The following SNTG1 variants were observed in gnomAD, a reference collection of about 807,000 sequenced individuals.
SNTG1 encodes the protein syntrophin gamma 1.
SNTG1 carries 39 observed loss-of-function variants against 74.7 expected under a neutral mutation model. The observed-to-expected ratio is 0.52, with a 90% CI of 0.40 to 0.68. SNTG1 has a LOEUF of 0.68. SNTG1 is among the 30% of genes least tolerant of loss of function. The pLI is 0.00. For missense variants in SNTG1, 685 were observed against 609.5 expected, an observed-to-expected ratio of 1.12 and a Z score of -1.30; for synonymous variants, 254 against 217.1, an observed-to-expected ratio of 1.17 and a Z score of -1.49.
At chr8:50,787,126 G>A (rs548876481) in intron 18 of SNTG1, among the ~76,000 whole-genome samples, 12 of 150,818 alleles carry the variant, frequency 8.0e-5, no homozygotes, top group African/African-American at 2.7e-4. Flanking sequence ...AGGGTTTTCA[G>A]AGAAAAAAAA....
At chr8:50,464,267 T>C (rs1233297016) in intron 8 of SNTG1, among the ~76,000 whole-genome samples, 2 of 152,206 alleles carry the variant, frequency 1.3e-5, no homozygotes, top group East Asian at 3.9e-4. Flanking sequence ...ACTTTTCTTT[T>C]AAATTTACAA....
chr8:50,619,995 C>T (rs1026373030), intron 13 of SNTG1, among the ~76,000 whole-genome samples: 7 of 151,796 alleles, frequency 4.6e-5, no homozygotes, highest in Non-Finnish European at 8.8e-5. Context: ...GCTTAAACAG[C>T]ACAGATTTCT....
intron 2 of SNTG1, among the ~76,000 whole-genome samples, chr8:50,220,463 G>A (rs1001401825): frequency 6.6e-6 from 1 of 152,108 alleles, no homozygotes; most frequent in African/African-American, 2.4e-5. Context: ...AAACAGAAAG[G>A]AATACATGAG....
chr8:50,716,076 C>A (rs944002040), intron 17 of SNTG1, among the ~76,000 whole-genome samples: 2 of 152,054 alleles, frequency 1.3e-5, no homozygotes, highest in African/African-American at 4.8e-5. Flanking sequence ...GTGTATGACC[C>A]TCATGTACAC....
At chr8:50,093,513 G>A (rs1365007387) in intron 1 of SNTG1, among the ~76,000 whole-genome samples, 1 of 152,066 alleles carries the variant, frequency 6.6e-6, no homozygotes. Context: ...GAAGCCAAGT[G>A]AAATAGCAAC....
intron 2 of SNTG1, among the ~76,000 whole-genome samples, chr8:50,333,756 C>T (rs1467304196): frequency 6.6e-6 from 1 of 152,092 alleles, no homozygotes; most frequent in Non-Finnish European, 1.5e-5. Flanking sequence ...TCTTAACGTT[C>T]CCTTGATTGA....
chr8:50,670,982 C>A (rs2131342909), intron 15 of SNTG1, among the ~76,000 whole-genome samples: 1 of 150,476 alleles, frequency 6.6e-6, no homozygotes. Flanking sequence ...GGAAAACTGG[C>A]TAGCCATATG....
At chr8:50,711,659 A>G (rs2095462021) in intron 17 of SNTG1, among the ~76,000 whole-genome samples, 1 of 152,186 alleles carries the variant, frequency 6.6e-6, no homozygotes, top group Admixed American at 6.5e-5. Flanking sequence ...CTCATTACTT[A>G]CCACCTGTGC....
chr8:50,036,083 T>A (rs1239249290), intron 1 of SNTG1, among the ~76,000 whole-genome samples: 1 of 152,206 alleles, frequency 6.6e-6, no homozygotes, highest in African/African-American at 2.4e-5. Flanking sequence ...TTTAGGATGG[T>A]CGAAATTGGT....
chr8:50,354,220 T>C (rs561411711), intron 2 of SNTG1, among the ~76,000 whole-genome samples: 30 of 152,356 alleles, frequency 2.0e-4, no homozygotes, highest in African/African-American at 7.2e-4. Flanking sequence ...CACAAAGGTG[T>C]AAAAGTTACA....
At chr8:50,206,642 G>C (rs2131876293) in intron 2 of SNTG1, among the ~76,000 whole-genome samples, 1 of 152,246 alleles carries the variant, frequency 6.6e-6, no homozygotes, top group South Asian at 2.1e-4. Context: ...CCTGTCTTGT[G>C]CCAGTTTTCA....
At chr8:50,572,411 A>G (rs2094554367) in intron 12 of SNTG1, among the ~76,000 whole-genome samples, 1 of 152,158 alleles carries the variant, frequency 6.6e-6, no homozygotes. Flanking sequence ...TCACAGTTGT[A>G]TGTGTGTGCA....
intron 13 of SNTG1, among the ~76,000 whole-genome samples, chr8:50,656,386 T>C (rs373476768): frequency 1.3e-5 from 2 of 152,178 alleles, no homozygotes; most frequent in South Asian, 2.1e-4. Flanking sequence ...TGTATTCATC[T>C]AAGATCAATG....
intron 4 of SNTG1, among the ~76,000 whole-genome samples, chr8:50,408,619 G>T (rs553993283): frequency 1.3e-5 from 2 of 152,246 alleles, no homozygotes; most frequent in East Asian, 3.9e-4. Context: ...TGTGAGCCCA[G>T]GTAAAAGGCT....
chr8:50,533,705 CTGTT>C (rs1262225787), intron 10 of SNTG1, among the ~76,000 whole-genome samples: 2 of 152,118 alleles, frequency 1.3e-5, no homozygotes, highest in East Asian at 3.8e-4. Flanking sequence ...TACATCAACT[CTGTT>C]GAGTCAAATA....
At chr8:50,635,728 T>G (rs1217549828) in intron 13 of SNTG1, among the ~76,000 whole-genome samples, 3 of 152,142 alleles carry the variant, frequency 2.0e-5, no homozygotes, top group African/African-American at 7.2e-5. Flanking sequence ...AGAAATGCCA[T>G]CCAAGGGCCA....
intron 1 of SNTG1, among the ~76,000 whole-genome samples, chr8:49,945,407 G>A (rs1004317402): frequency 6.6e-6 from 1 of 152,156 alleles, no homozygotes; most frequent in African/African-American, 2.4e-5. Context: ...GTGGTCCATC[G>A]TAGGGCAGCT....
chr8:49,943,019 T>C (rs1160434760), intron 1 of SNTG1, among the ~76,000 whole-genome samples: 1 of 152,228 alleles, frequency 6.6e-6, no homozygotes, highest in Non-Finnish European at 1.5e-5. Flanking sequence ...TCTCCACCAT[T>C]TGATGTTCAA....
chr8:50,574,985 A>C (rs1322703415), intron 12 of SNTG1, among the ~76,000 whole-genome samples: 1 of 152,146 alleles, frequency 6.6e-6, no homozygotes, highest in Non-Finnish European at 1.5e-5. Flanking sequence ...TTGATGTTTG[A>C]TCATATGCAA....
Sources: allele counts gnomAD v4.1 joint callset (sites outside exome capture counted in the v4.1 genomes callset), GRCh38; gene constraint gnomAD v4.1.1; transcripts MANE v1.5; gene names NCBI Gene and HGNC (gene_info 2026-07-23, HGNC 2026-07-21).